URI1: variants seen among roughly 807,000 people sequenced by gnomAD.
The protein encoded by URI1 is URI1 prefoldin like chaperone.
Under a neutral mutation model 60.2 loss-of-function variants are expected in URI1, and 39 were observed. That is an observed-to-expected ratio of 0.65 (90% CI 0.50 to 0.85). The LOEUF (loss-of-function observed/expected upper bound fraction) is 0.85, where lower values mean the gene tolerates loss of function less well. Ranked by LOEUF, URI1 falls within the 40% of genes least tolerant of loss-of-function variation. The probability of loss-of-function intolerance (pLI) is 0.00; values close to 1 mark genes in which losing one functional copy is unlikely to be tolerated. For synonymous variants in URI1, 251 were observed against 236.8 expected, an observed-to-expected ratio of 1.06 and a Z score of -0.55; for missense variants, 691 against 665.9, an observed-to-expected ratio of 1.04 and a Z score of -0.42.
Position 30,012,539 on chromosome 19 carries a change from T to C in URI1, c.1425+8T>C. On this transcript the variant is annotated splice_region_variant and intron_variant, in intron 10 of 10. Transcript: ENST00000392271. ...TTATCAGTAACACCTGAGGTGTGTG[T>C]GTGTATCTTTTAATTCTTTATTTCA... The C allele has an allele frequency of 2.5e-6, 4 of 1,610,942 alleles. No individual in the cohort carries two copies. The highest frequency in any genetic ancestry group is 3.4e-6 in the Non-Finnish European group (4 of 1,178,584).
rs567067368 is a variant in URI1 at position 29,988,648 on chromosome 19, T to C, written c.367+2231T>C. On this transcript the variant is annotated intron_variant, in intron 4 of 10. Coordinates refer to ENST00000392271, the MANE Select transcript of URI1 (RefSeq NM_003796.3). ...TGAGGAGTGTTCCGTTACATGCATA[T>C]CTATTAAATGCACGTACAGCAGTTT... is the stretch of plus-strand genomic sequence containing the variant. 1.9e-4 allele frequency among the ~76,000 whole-genome samples: 29 copies of C among 152,350 alleles called. 1 individual carries two copies. The highest frequency in any genetic ancestry group is 3.4e-3 in the Middle Eastern group (1 of 294).
chr19:30,014,988 G>A lies in URI1; in HGVS notation c.1527G>A (p.Lys509=), dbSNP rs750981641. 1 of 1,613,838 alleles carries A rather than the reference G, an allele frequency of 6.2e-7. No homozygotes were observed. Among genetic ancestry groups the A allele is most frequent in the South Asian group, 1.1e-5 (1 of 91,052 alleles). The part of the protein sequence containing the change: ...HPALPTIPER[K]EVLLEASEET... ...CACTACCCACTATTCCAGAACGAAA[G>A]GAAGTTCTGTTGGAAGCATCTGAAG... Residue 509 remains lysine, a synonymous_variant, in exon 11 of 11, where the codon AAG becomes AAA. Coordinates refer to ENST00000392271, the MANE Select transcript of URI1 (RefSeq NM_003796.3).
At chr19:29,942,769 C>G (rs1309078642) in intron 1 of URI1, 105 bp downstream of exon 1, 12 of 1,193,448 alleles carry the variant, frequency 1.0e-5, no homozygotes, top group East Asian at 3.4e-5. Flanking sequence ...CCCGGGCCCC[C>G]GGAGGGAACG....
intron 4 of URI1, among the ~76,000 whole-genome samples, chr19:29,999,791 T>C (rs975335873): frequency 6.6e-6 from 1 of 152,000 alleles, no homozygotes; most frequent in African/African-American, 2.4e-5. Context: ...TTATGATAGA[T>C]GTATATAGCT....
chr19:30,014,185 A>G (rs2056057477), intron 10 of URI1: 1 of 152,182 alleles, frequency 6.6e-6, no homozygotes, highest in Non-Finnish European at 1.5e-5. Flanking sequence ...TTCCAGTTGA[A>G]CATATAGTTG....
chr19:30,006,978 C>T (rs1348994375), intron 6 of URI1, among the ~76,000 whole-genome samples: 3 of 151,974 alleles, frequency 2.0e-5, no homozygotes, highest in African/African-American at 7.2e-5. Context: ...GGTACTCATT[C>T]CTTGGCAGTG....
Position 30,015,881 on chromosome 19 carries a change from C to T in URI1, c.*812C>T, listed in dbSNP as rs2056079754. ...TGGGAAACAAGGAAAGGTCTAGATGCTTAAACATTTTAAATAAAAATTCCT... is the reference window on the plus strand; with the variant it reads ...TGGGAAACAAGGAAAGGTCTAGATGTTTAAACATTTTAAATAAAAATTCCT... On this transcript the variant is annotated 3_prime_UTR_variant, in exon 11 of 11. Coordinates refer to ENST00000392271, the MANE Select transcript of URI1 (RefSeq NM_003796.3). 1 of 271,086 alleles carries T rather than the reference C, an allele frequency of 3.7e-6. No individual in the cohort carries two copies. The highest frequency in any genetic ancestry group is 2.2e-5 in the African/African-American group (1 of 44,914). 16.8% of individuals were successfully genotyped at this position (271,086 alleles called of 1,614,324 possible). A position where few individuals can be genotyped will look rare whatever the true frequency, so the allele number is the denominator to read the frequency against.
At chr19:29,956,646 T>A (rs1269240192) in intron 1 of URI1, 1 of 1,521,152 alleles carries the variant, frequency 6.6e-7, no homozygotes, top group African/African-American at 1.4e-5. Flanking sequence ...CCAAGAAATT[T>A]CGGATTTCAA....
intron 1 of URI1, among the ~76,000 whole-genome samples, chr19:29,947,275 A>G (rs1246106219): frequency 6.6e-6 from 1 of 152,226 alleles, no homozygotes; most frequent in Admixed American, 6.5e-5. Flanking sequence ...GACGGATGGA[A>G]TTACATTATA....
At chr19:29,999,704 C>T (rs905368497) in intron 4 of URI1, among the ~76,000 whole-genome samples, 19 of 151,848 alleles carry the variant, frequency 1.3e-4, no homozygotes, top group Admixed American at 9.2e-4. Flanking sequence ...TTTGTAGATT[C>T]GTACCTTATC....
upstream of URI1, among the ~76,000 whole-genome samples, chr19:29,941,869 G>A (rs1465017292): frequency 6.6e-6 from 1 of 152,064 alleles, no homozygotes; most frequent in East Asian, 1.9e-4. Context: ...CATGAATTAA[G>A]CTCCTAGATA....
chr19:29,952,423 G>A (rs1010197945), intron 1 of URI1, among the ~76,000 whole-genome samples: 1 of 152,110 alleles, frequency 6.6e-6, no homozygotes, highest in African/African-American at 2.4e-5. Flanking sequence ...GTTCACTCAC[G>A]GATTCTTAAT....
At chr19:29,972,294 T>C (rs2055469703) in intron 2 of URI1, among the ~76,000 whole-genome samples, 1 of 152,114 alleles carries the variant, frequency 6.6e-6, no homozygotes, top group Non-Finnish European at 1.5e-5. Flanking sequence ...TCGTTGTAGT[T>C]GCTTCCACTG....
chr19:29,937,927 C>T (rs1599651360), upstream of URI1: 1 of 152,136 alleles, frequency 6.6e-6, no homozygotes, highest in South Asian at 2.1e-4. Context: ...TTGCATCCAC[C>T]CTGTTGCTGT....
At chr19:29,996,899 A>G (rs954772976) in intron 4 of URI1, among the ~76,000 whole-genome samples, 13 of 151,962 alleles carry the variant, frequency 8.6e-5, no homozygotes, top group African/African-American at 3.1e-4. Context: ...CTAATGTAGT[A>G]TATTACATTG....
At chr19:29,933,481 G>T (rs189925757) in intron 1 of URI1, among the ~76,000 whole-genome samples, 7 of 152,120 alleles carry the variant, frequency 4.6e-5, no homozygotes, top group Non-Finnish European at 1.5e-5. Context: ...TTAGTAATTT[G>T]ACTCTTTTCT....
chr19:29,988,167 C>CAAAAAATAAAAAAAA (rs2055696534), intron 4 of URI1, among the ~76,000 whole-genome samples: 1 of 140,514 alleles, frequency 7.1e-6, no homozygotes. Flanking sequence ...AATTTTGTCT[C>CAAAAAATAAAAAAAA]AAAAAAAAAA....
chr19:29,976,424 C>A (rs1380412782), intron 2 of URI1, among the ~76,000 whole-genome samples: 2 of 152,134 alleles, frequency 1.3e-5, no homozygotes, highest in East Asian at 3.9e-4. Flanking sequence ...GTTGGTTGAG[C>A]CTCTGCCTCC....
chr19:29,958,850 C>T (rs1281666089), intron 1 of URI1, among the ~76,000 whole-genome samples: 1 of 151,752 alleles, frequency 6.6e-6, no homozygotes, highest in Non-Finnish European at 1.5e-5. Context: ...ATCCCAGCTA[C>T]TCGGAAGGTT....
Sources: allele counts gnomAD v4.1 joint callset (sites outside exome capture counted in the v4.1 genomes callset), GRCh38; gene constraint gnomAD v4.1.1; transcripts MANE v1.5; gene names NCBI Gene and HGNC (gene_info 2026-07-23, HGNC 2026-07-21).